The following GAB2 variants were observed in gnomAD, a reference collection of about 807,000 sequenced individuals.
The protein encoded by GAB2 is GRB2-associated-binding protein 2.
Under a neutral mutation model 65.5 loss-of-function variants are expected in GAB2, and 26 were observed. The observed-to-expected ratio is 0.40, with a 90% CI of 0.29 to 0.55. GAB2 has a LOEUF of 0.55. Among genes scored for constraint, GAB2 ranks in the 20% least tolerant of loss-of-function variants. GAB2 has a pLI of 0.53. For synonymous variants in GAB2, 321 were observed against 329.6 expected (o/e 0.97, Z 0.28); for missense variants, 884 against 875.8 (o/e 1.01, Z -0.12).
chr11:78,259,136 A>G (rs114871219), intron 2 of GAB2, among the ~76,000 whole-genome samples: 2,524 of 152,228 alleles, frequency 0.017, 76 homozygotes, highest in African/African-American at 0.057. Flanking sequence ...TTGGTCTGGA[A>G]CTATCTTATT....
intron 1 of GAB2, among the ~76,000 whole-genome samples, chr11:78,364,326 C>G (rs748590621): frequency 3.3e-5 from 5 of 152,196 alleles, no homozygotes; most frequent in Admixed American, 6.5e-5. Flanking sequence ...TCTCTACACT[C>G]CTTCCCCTTA....
intron 1 of GAB2, among the ~76,000 whole-genome samples, chr11:78,356,768 G>C (rs1856364749): frequency 6.6e-6 from 1 of 152,236 alleles, no homozygotes; most frequent in South Asian, 2.1e-4. Flanking sequence ...CACTGACAAA[G>C]AGTGGATTAA....
At chr11:78,232,477 A>G (rs1029998725) in intron 3 of GAB2, among the ~76,000 whole-genome samples, 1 of 152,234 alleles carries the variant, frequency 6.6e-6, no homozygotes, top group Non-Finnish European at 1.5e-5. Context: ...CTTCAAAGAG[A>G]AAAAGAACTC....
chr11:78,368,699 C>T (rs1416456329), intron 1 of GAB2, among the ~76,000 whole-genome samples: 1 of 150,570 alleles, frequency 6.6e-6, no homozygotes, highest in Non-Finnish European at 1.5e-5. Context: ...AGCATGTTAA[C>T]AAACTGAAAA....
At chr11:78,249,606 G>A (rs546881124) in intron 3 of GAB2, among the ~76,000 whole-genome samples, 130 of 152,332 alleles carry the variant, frequency 8.5e-4, no homozygotes, top group African/African-American at 3.1e-3. Context: ...TTCTGTATCT[G>A]TGCTGTCTGG....
intron 1 of GAB2, among the ~76,000 whole-genome samples, chr11:78,306,515 G>A (rs941399668): frequency 3.3e-5 from 5 of 152,174 alleles, no homozygotes; most frequent in African/African-American, 1.2e-4. Context: ...TACAGGCGGT[G>A]AGCACTGCGC....
chr11:78,277,531 G>C (rs903747378), intron 2 of GAB2, among the ~76,000 whole-genome samples: 2 of 152,340 alleles, frequency 1.3e-5, no homozygotes, highest in South Asian at 2.1e-4. Flanking sequence ...TCAGGAGATA[G>C]GCAAGTCTCA....
chr11:78,240,887 C>T (rs545173705), intron 3 of GAB2, among the ~76,000 whole-genome samples: 11 of 152,200 alleles, frequency 7.2e-5, no homozygotes, highest in Admixed American at 2.0e-4. Context: ...AACCATGCTA[C>T]GGAGAGTGAA....
chr11:78,417,391 T>G (rs1857212510), intron 1 of GAB2, among the ~76,000 whole-genome samples: 2 of 151,934 alleles, frequency 1.3e-5, no homozygotes, highest in South Asian at 4.1e-4. Context: ...GCAGACCGGC[T>G]TGGGAGGCGC....
chr11:78,261,291 A>G (rs1383136498), intron 2 of GAB2, among the ~76,000 whole-genome samples: 2 of 152,148 alleles, frequency 1.3e-5, no homozygotes, highest in Non-Finnish European at 2.9e-5. Flanking sequence ...CTGTCTCAAC[A>G]AAACCAAAAC....
intron 1 of GAB2, among the ~76,000 whole-genome samples, chr11:78,319,949 C>T (rs1855691049): frequency 6.7e-6 from 1 of 150,202 alleles, no homozygotes; most frequent in Non-Finnish European, 1.5e-5. Flanking sequence ...GATCTCGGCT[C>T]ACTGCAACCT....
intron 1 of GAB2, among the ~76,000 whole-genome samples, chr11:78,347,682 C>T (rs75399526): frequency 6.6e-6 from 1 of 152,082 alleles, no homozygotes; most frequent in Admixed American, 6.5e-5. Flanking sequence ...ACATCTCCTA[C>T]AAGAAAACAT....
intron 1 of GAB2, among the ~76,000 whole-genome samples, chr11:78,301,965 G>A (rs768437400): frequency 3.3e-5 from 5 of 152,308 alleles, no homozygotes; most frequent in Admixed American, 6.5e-5. Flanking sequence ...AACAAACAGT[G>A]CTGGGATAAC....
chr11:78,340,638 G>A (rs1856076350), intron 1 of GAB2, among the ~76,000 whole-genome samples: 2 of 151,178 alleles, frequency 1.3e-5, no homozygotes, highest in African/African-American at 4.9e-5. Context: ...AAAAAAAGAT[G>A]GGCAGGAGTT....
intron 1 of GAB2, among the ~76,000 whole-genome samples, chr11:78,329,564 A>T (rs913589267): frequency 2.0e-5 from 3 of 152,060 alleles, no homozygotes; most frequent in Admixed American, 2.0e-4. Context: ...GTAGGCACTC[A>T]CTCAAGCATT....
chr11:78,220,291 A>AC (rs1481083803), intron 9 of GAB2, 28 bp downstream of exon 9: 10 of 1,610,874 alleles, frequency 6.2e-6, no homozygotes, highest in Admixed American at 1.7e-5. Flanking sequence ...GAGAGCTCTT[A>AC]CTGCCCCCCC....
At chr11:78,363,121 T>TA (rs1471530912) in intron 1 of GAB2, among the ~76,000 whole-genome samples, 1 of 152,240 alleles carries the variant, frequency 6.6e-6, no homozygotes, top group Admixed American at 6.5e-5. Context: ...CCATATCAGA[T>TA]ACACAATTTC....
At chr11:78,266,843 G>A (rs1865887692) in intron 2 of GAB2, among the ~76,000 whole-genome samples, 3 of 152,162 alleles carry the variant, frequency 2.0e-5, no homozygotes, top group Admixed American at 2.0e-4. Flanking sequence ...TCTAACCCCT[G>A]TCCACTGGCA....
chr11:78,257,809 AC>A (rs1027546853), intron 2 of GAB2, among the ~76,000 whole-genome samples: 19 of 151,300 alleles, frequency 1.3e-4, no homozygotes, highest in African/African-American at 4.1e-4. Flanking sequence ...ACATATTATT[AC>A]CTCCATTTTT....
Sources: allele counts gnomAD v4.1 joint callset (sites outside exome capture counted in the v4.1 genomes callset), GRCh38; gene constraint gnomAD v4.1.1; transcripts MANE v1.5; gene names NCBI Gene and HGNC (gene_info 2026-07-23, HGNC 2026-07-21).